Variants in TMEM135 observed in about 807,000 individuals in gnomAD.
The protein encoded by TMEM135 is peroxisomal membrane protein 52.
In TMEM135, 30 loss-of-function variants were observed where a neutral mutation model predicts 60.3. That is an observed-to-expected ratio of 0.50 (90% CI 0.37 to 0.68). The LOEUF is 0.68. TMEM135 is among the 30% of genes least tolerant of loss of function. The pLI is 0.00. For missense variants in TMEM135, 468 were observed against 548.8 expected (o/e 0.85, Z 1.47); for synonymous variants, 190 against 186.7 (o/e 1.02, Z -0.14).
chr11:87,054,430 C>A (rs1424663702), intron 1 of TMEM135, among the ~76,000 whole-genome samples: 5 of 151,186 alleles, frequency 3.3e-5, no homozygotes, highest in Admixed American at 3.3e-4. Flanking sequence ...GAGACTCTGT[C>A]TCAAAAAAGA....
intron 6 of TMEM135, among the ~76,000 whole-genome samples, chr11:87,274,798 G>C (rs1354491591): frequency 6.8e-6 from 1 of 148,108 alleles, no homozygotes; most frequent in African/African-American, 2.5e-5. Flanking sequence ...GTGTGTGTGT[G>C]TGTGTGTGTG....
intron 4 of TMEM135, among the ~76,000 whole-genome samples, chr11:87,151,298 T>C (rs1260468834): frequency 2.6e-5 from 4 of 152,166 alleles, no homozygotes; most frequent in African/African-American, 9.6e-5. Flanking sequence ...GGAATTTTTT[T>C]ACTAAAATTT....
chr11:87,220,185 A>G (rs1940586979), intron 5 of TMEM135, among the ~76,000 whole-genome samples: 1 of 152,218 alleles, frequency 6.6e-6, no homozygotes, highest in Non-Finnish European at 1.5e-5. Context: ...GATAGCTCAG[A>G]CACTGAGATA....
chr11:87,168,448 A>G (rs537947797), intron 5 of TMEM135, among the ~76,000 whole-genome samples: 1 of 152,250 alleles, frequency 6.6e-6, no homozygotes. Flanking sequence ...ATTTGGTGCT[A>G]TAAATTTCCC....
intron 6 of TMEM135, among the ~76,000 whole-genome samples, chr11:87,286,561 C>T (rs1942170690): frequency 6.6e-6 from 1 of 152,190 alleles, no homozygotes; most frequent in Non-Finnish European, 1.5e-5. Context: ...CCGGGGGCCA[C>T]AGAGCAGGGG....
At position 87,162,673 on chromosome 11, in the gene TMEM135, A is replaced by G. The variant is rs544068519; in HGVS notation, c.462+5267A>G. On this transcript the variant is annotated intron_variant, in intron 5 of 14. Transcript: ENST00000305494. ...CTTTGCTATTGTGAACAGTGCTGCA[A>G]TTAACATACGTGTACATGTGTCTTT... Among the ~76,000 whole-genome samples the G allele has an allele frequency of 1.3e-4, 20 of 152,306 alleles. No homozygotes were observed. The East Asian group carries it at 1.9e-3, about 15-fold the overall frequency.
intron 6 of TMEM135, among the ~76,000 whole-genome samples, chr11:87,280,769 T>C (rs1942046771): frequency 6.6e-6 from 1 of 152,232 alleles, no homozygotes; most frequent in Non-Finnish European, 1.5e-5. Flanking sequence ...TGGCACATTG[T>C]CAACTCTTTA....
Position 87,092,062 on chromosome 11 carries a change from A to G in TMEM135, c.396+667A>G, listed in dbSNP as rs1023130210. Among the ~76,000 whole-genome samples the G allele has an allele frequency of 2.6e-5, 4 of 152,164 alleles. No homozygotes were observed. The South Asian group carries it at 8.3e-4, about 32-fold the overall frequency. On this transcript the variant is annotated intron_variant, in intron 4 of 14. Coordinates refer to ENST00000305494, the MANE Select transcript of TMEM135 (RefSeq NM_022918.4). Reference sequence around the variant, plus strand: ...AACTAGGAAAGATTAATAATTATTTATTTACCTAAGGTTTAGTTCTTGAAT... The same window carrying G: ...AACTAGGAAAGATTAATAATTATTTGTTTACCTAAGGTTTAGTTCTTGAAT...
At chr11:87,111,522 G>A (rs1857746402) in intron 4 of TMEM135, among the ~76,000 whole-genome samples, 1 of 151,540 alleles carries the variant, frequency 6.6e-6, no homozygotes, top group Admixed American at 6.6e-5. Flanking sequence ...GTGGTGGTGG[G>A]CGCCTGTAGT....
chr11:87,298,604 A>G (rs1401169634), intron 7 of TMEM135, among the ~76,000 whole-genome samples: 3 of 149,126 alleles, frequency 2.0e-5, no homozygotes, highest in African/African-American at 5.0e-5. Flanking sequence ...CCTGGCCAAC[A>G]TGGTGAAACC....
chr11:87,166,806 A>G (rs1939063306), intron 5 of TMEM135, among the ~76,000 whole-genome samples: 1 of 151,804 alleles, frequency 6.6e-6, no homozygotes, highest in African/African-American at 2.4e-5. Context: ...TTGGTTCCAT[A>G]TGAAATTTAA....
intron 5 of TMEM135, among the ~76,000 whole-genome samples, chr11:87,174,957 G>C (rs1939331362): frequency 6.6e-6 from 1 of 152,110 alleles, no homozygotes; most frequent in South Asian, 2.1e-4. Context: ...CAGAAAGTTT[G>C]AGATAACTGA....
chr11:87,121,782 G>A (rs1277042199), intron 4 of TMEM135, among the ~76,000 whole-genome samples: 1 of 151,786 alleles, frequency 6.6e-6, no homozygotes, highest in Non-Finnish European at 1.5e-5. Flanking sequence ...AGGGACTACA[G>A]GTACACGCCA....
chr11:87,304,396 A>G (rs564132277), intron 8 of TMEM135, among the ~76,000 whole-genome samples: 7 of 151,952 alleles, frequency 4.6e-5, no homozygotes, highest in African/African-American at 1.7e-4. Flanking sequence ...AAAAAAAAGG[A>G]AACTTAACAA....
chr11:87,199,611 G>A (rs1940048134), intron 5 of TMEM135, among the ~76,000 whole-genome samples: 1 of 152,152 alleles, frequency 6.6e-6, no homozygotes, highest in Admixed American at 6.5e-5. Flanking sequence ...GTAGGTCTGA[G>A]TAAAGGAGAA....
intron 8 of TMEM135, 120 bp downstream of exon 8, chr11:87,302,562 T>G: frequency 7.0e-6 from 9 of 1,285,980 alleles, no homozygotes; most frequent in Non-Finnish European, 1.0e-5. Context: ...CACCAGAAAC[T>G]GTGCATAGAA....
intron 5 of TMEM135, among the ~76,000 whole-genome samples, chr11:87,194,364 A>C (rs571381912): frequency 8.5e-5 from 13 of 152,232 alleles, no homozygotes; most frequent in Non-Finnish European, 1.8e-4. Flanking sequence ...TAGTCCAGCT[A>C]ACTGTATACT....
chr11:87,041,430 A>G (rs1949749189), intron 1 of TMEM135, among the ~76,000 whole-genome samples: 1 of 152,156 alleles, frequency 6.6e-6, no homozygotes, highest in Non-Finnish European at 1.5e-5. Flanking sequence ...CACTGGGAAG[A>G]CCGGATAGAA....
chr11:87,265,954 G>T (rs4944688), intron 6 of TMEM135, among the ~76,000 whole-genome samples: 53,739 of 151,974 alleles, frequency 0.35, 10,050 homozygotes, highest in Non-Finnish European at 0.42. Flanking sequence ...CTGAGCTATT[G>T]ATCTATTAGC....
Sources: allele counts gnomAD v4.1 joint callset (sites outside exome capture counted in the v4.1 genomes callset), GRCh38; gene constraint gnomAD v4.1.1; transcripts MANE v1.5; gene names NCBI Gene and HGNC (gene_info 2026-07-23, HGNC 2026-07-21).